Variants in SPECC1 observed in about 807,000 individuals in gnomAD.
SPECC1 encodes sperm antigen with calponin homology and coiled-coil domains 1, also known as cytospin-B.
Under a neutral mutation model 104.1 loss-of-function variants are expected in SPECC1, and 62 were observed. The ratio of observed to expected loss-of-function variants is 0.60; its 90% CI spans 0.49 to 0.74. The LOEUF is 0.74. Among genes scored for constraint, SPECC1 ranks in the 30% least tolerant of loss-of-function variants. SPECC1 has a pLI of 0.00. For synonymous variants in SPECC1, 513 were observed against 501.6 expected, an observed-to-expected ratio of 1.02 and a Z score of -0.30; for missense variants, 1,306 against 1,310.5, an observed-to-expected ratio of 1.00 and a Z score of 0.05.
chr17:20,125,512 A>G (rs1597768624), intron 3 of SPECC1, among the ~76,000 whole-genome samples: 4 of 152,194 alleles, frequency 2.6e-5, no homozygotes, highest in Non-Finnish European at 4.4e-5. Context: ...ACGCATCTGT[A>G]CCCACTGAAC....
chr17:20,231,124 A>G (rs553732838), intron 5 of SPECC1, among the ~76,000 whole-genome samples: 1 of 152,330 alleles, frequency 6.6e-6, no homozygotes, highest in Admixed American at 6.5e-5. Context: ...AAGGGGCTGC[A>G]GGTGTCCTTA....
intron 12 of SPECC1, among the ~76,000 whole-genome samples, chr17:20,282,690 G>A (rs890701367): frequency 3.3e-5 from 5 of 152,258 alleles, no homozygotes; most frequent in East Asian, 1.9e-4. Context: ...TCTGCCCACC[G>A]TAGCGTTGCA....
chr17:20,024,413 A>T (rs557771896), intron 1 of SPECC1, among the ~76,000 whole-genome samples: 1 of 152,158 alleles, frequency 6.6e-6, no homozygotes, highest in Non-Finnish European at 1.5e-5. Flanking sequence ...TTTCATTTCA[A>T]TTGGAGTTTT....
intron 9 of SPECC1, among the ~76,000 whole-genome samples, chr17:20,250,134 A>G (rs73305511): frequency 0.016 from 2,494 of 152,340 alleles, 54 homozygotes; most frequent in African/African-American, 0.055. Context: ...CCCTGAAGAC[A>G]ATGCAGTGGC....
At chr17:20,150,454 A>G (rs565791946) in intron 3 of SPECC1, among the ~76,000 whole-genome samples, 1 of 151,948 alleles carries the variant, frequency 6.6e-6, no homozygotes, top group African/African-American at 2.4e-5. Context: ...AGCCTGACCA[A>G]CATGGAGAAA....
chr17:20,286,405 A>G (rs1031986512), intron 12 of SPECC1, among the ~76,000 whole-genome samples: 8 of 152,146 alleles, frequency 5.3e-5, no homozygotes, highest in Non-Finnish European at 5.9e-5. Flanking sequence ...AGACCTTACC[A>G]TACTAACATC....
At chr17:20,207,643 A>G (rs1213411614) in intron 4 of SPECC1, among the ~76,000 whole-genome samples, 2 of 152,246 alleles carry the variant, frequency 1.3e-5, no homozygotes, top group Non-Finnish European at 2.9e-5. Flanking sequence ...TAAAAAGTAC[A>G]GAAAAGTATA....
intron 1 of SPECC1, among the ~76,000 whole-genome samples, chr17:20,094,494 A>G (rs1337609325): frequency 4.6e-5 from 7 of 152,154 alleles, no homozygotes; most frequent in Non-Finnish European, 8.8e-5. Context: ...GACAGGGAAA[A>G]CATCCACCCT....
intron 3 of SPECC1, among the ~76,000 whole-genome samples, chr17:20,189,704 G>A (rs1488216135): frequency 6.6e-6 from 1 of 152,152 alleles, no homozygotes; most frequent in Non-Finnish European, 1.5e-5. Flanking sequence ...TCTTTCTGGA[G>A]TGCTGTTCAT....
At chr17:20,297,457 A>T (rs970991220) in intron 13 of SPECC1, among the ~76,000 whole-genome samples, 1 of 152,242 alleles carries the variant, frequency 6.6e-6, no homozygotes, top group African/African-American at 2.4e-5. Flanking sequence ...GTCCTACATT[A>T]AGAAATCTAT....
intron 13 of SPECC1, among the ~76,000 whole-genome samples, chr17:20,301,333 G>C (rs2041571903): frequency 6.6e-6 from 1 of 152,056 alleles, no homozygotes; most frequent in Non-Finnish European, 1.5e-5. Flanking sequence ...CACATACCTT[G>C]GGTCATCAGG....
chr17:20,037,443 A>G lies in SPECC1; in HGVS notation c.-22+28019A>G, dbSNP rs2045135439. On this transcript the variant is annotated intron_variant, in intron 1 of 14. Coordinates refer to ENST00000395527, the MANE Select transcript of SPECC1 (RefSeq NM_001243439.2). ...TGAGATTACAGGTGTGAGCCACTGC[A>G]CCTGGCCCAGTTTTCTTTTTTTATA... Among the ~76,000 whole-genome samples, 4 of 150,314 alleles carry G rather than the reference A, an allele frequency of 2.7e-5. No individual in the cohort carries two copies. The South Asian group carries it at 8.4e-4, about 31-fold the overall frequency.
At chr17:20,111,741 G>C in intron 3 of SPECC1, 1 of 659,284 alleles carries the variant, frequency 1.5e-6, no homozygotes, top group Non-Finnish European at 2.8e-6. Context: ...GGAGGGAGGG[G>C]AAAGGCGGAA....
chr17:20,306,763 G>C (rs890815640), intron 14 of SPECC1, among the ~76,000 whole-genome samples: 1 of 152,242 alleles, frequency 6.6e-6, no homozygotes, highest in Non-Finnish European at 1.5e-5. Context: ...TATCTGTGCT[G>C]CATGAAGCCC....
intron 14 of SPECC1, among the ~76,000 whole-genome samples, chr17:20,307,249 A>C (rs947194006): frequency 3.0e-4 from 46 of 152,372 alleles, no homozygotes; most frequent in African/African-American, 1.1e-3. Context: ...TGCTTAAACC[A>C]TAAAAATGTT....
At chr17:20,196,152 A>C (rs1310219001) in intron 3 of SPECC1, among the ~76,000 whole-genome samples, 2 of 152,202 alleles carry the variant, frequency 1.3e-5, no homozygotes, top group Non-Finnish European at 2.9e-5. Flanking sequence ...TAGGCAAAAA[A>C]CCCATATTCC....
At chr17:20,306,487 G>A (rs890784347) in intron 14 of SPECC1, among the ~76,000 whole-genome samples, 5 of 152,224 alleles carry the variant, frequency 3.3e-5, no homozygotes, top group Admixed American at 2.0e-4. Context: ...TGCAAAACTC[G>A]GCAGGGGTGG....
At chr17:20,260,867 C>T (rs750400066) in intron 12 of SPECC1, among the ~76,000 whole-genome samples, 46 of 152,122 alleles carry the variant, frequency 3.0e-4, no homozygotes, top group Non-Finnish European at 5.3e-4. Context: ...CTGCTGGCGA[C>T]GGTTGTCTTG....
At chr17:20,061,151 A>G (rs1215847636) in intron 1 of SPECC1, among the ~76,000 whole-genome samples, 1 of 152,196 alleles carries the variant, frequency 6.6e-6, no homozygotes, top group Non-Finnish European at 1.5e-5. Flanking sequence ...GGCTCACTGC[A>G]ACCTCCATCT....
Sources: allele counts gnomAD v4.1 joint callset (sites outside exome capture counted in the v4.1 genomes callset), GRCh38; gene constraint gnomAD v4.1.1; transcripts MANE v1.5; gene names NCBI Gene and HGNC (gene_info 2026-07-23, HGNC 2026-07-21).